The following NSMCE2 variants were observed in gnomAD, a reference collection of about 807,000 sequenced individuals.
NSMCE2 encodes NSE2 SUMO ligase component of SMC5/6 complex.
A neutral mutation model predicts 23.8 loss-of-function variants in NSMCE2; 24 were observed. The ratio of observed to expected loss-of-function variants is 1.01; its 90% CI spans 0.73 to 1.42. NSMCE2 has a LOEUF of 1.42. Ranked by LOEUF, NSMCE2 falls within the 40% of genes most tolerant of loss-of-function variation. The probability of loss-of-function intolerance (pLI) is 0.00; values close to 1 mark genes in which losing one functional copy is unlikely to be tolerated. For synonymous variants in NSMCE2, 92 were observed against 94.1 expected (o/e 0.98, Z 0.13); for missense variants, 284 against 296.5 (o/e 0.96, Z 0.31).
chr8:125,343,537 G>C (rs1280972820), intron 5 of NSMCE2, among the ~76,000 whole-genome samples: 2 of 152,168 alleles, frequency 1.3e-5, no homozygotes, highest in African/African-American at 4.8e-5. Context: ...TACTCGGGGA[G>C]CTGAGGTAGG....
intron 4 of NSMCE2, among the ~76,000 whole-genome samples, chr8:125,175,672 C>T (rs952538395): frequency 1.3e-5 from 2 of 152,088 alleles, no homozygotes; most frequent in African/African-American, 4.8e-5. Context: ...ATCCTTAGCT[C>T]CTGTGATCTC....
At chr8:125,135,701 G>A (rs990058587) in intron 3 of NSMCE2, among the ~76,000 whole-genome samples, 1 of 151,676 alleles carries the variant, frequency 6.6e-6, no homozygotes, top group African/African-American at 2.4e-5. Context: ...TTGCACTTTT[G>A]TCTGTTTAGT....
intron 5 of NSMCE2, among the ~76,000 whole-genome samples, chr8:125,239,477 T>C (rs1297006797): frequency 6.6e-6 from 1 of 151,704 alleles, no homozygotes; most frequent in Non-Finnish European, 1.5e-5. Flanking sequence ...GGCATGGTGG[T>C]GCACGCCTGT....
intron 5 of NSMCE2, among the ~76,000 whole-genome samples, chr8:125,210,117 G>A (rs1267715609): frequency 6.6e-6 from 1 of 152,154 alleles, no homozygotes. Context: ...CCCGGGATAA[G>A]TTTCTAAACC....
intron 6 of NSMCE2, 35 bp downstream of exon 6, chr8:125,357,354 C>G (rs1010457540): frequency 7.5e-7 from 1 of 1,327,898 alleles, no homozygotes; most frequent in Non-Finnish European, 1.1e-6. Flanking sequence ...GAAAGAAACA[C>G]GATTCACTTC....
At chr8:125,313,309 G>A (rs1011486246) in intron 5 of NSMCE2, among the ~76,000 whole-genome samples, 5 of 152,178 alleles carry the variant, frequency 3.3e-5, no homozygotes, top group African/African-American at 1.2e-4. Flanking sequence ...CACAGGGGGA[G>A]AGTGGTGAGA....
chr8:125,279,389 T>A (rs905375623), intron 5 of NSMCE2, among the ~76,000 whole-genome samples: 4 of 152,204 alleles, frequency 2.6e-5, no homozygotes, highest in Admixed American at 6.5e-5. Context: ...TATTTAAGAA[T>A]GATAATGATA....
chr8:125,337,379 C>T (rs1004487336), intron 5 of NSMCE2, among the ~76,000 whole-genome samples: 2 of 152,180 alleles, frequency 1.3e-5, no homozygotes, highest in Non-Finnish European at 2.9e-5. Flanking sequence ...TTCCTGAATA[C>T]AATTTTCAGA....
At chr8:125,320,822 A>T (rs1041400746) in intron 5 of NSMCE2, among the ~76,000 whole-genome samples, 1 of 152,194 alleles carries the variant, frequency 6.6e-6, no homozygotes, top group Non-Finnish European at 1.5e-5. Flanking sequence ...CTGAGACTGG[A>T]TAATTTCTAA....
intron 3 of NSMCE2, among the ~76,000 whole-genome samples, chr8:125,133,947 G>T (rs1210399190): frequency 6.6e-6 from 1 of 152,024 alleles, no homozygotes; most frequent in African/African-American, 2.4e-5. Context: ...AGATTGCTGG[G>T]CTCCAACCCC....
chr8:125,266,992 CTTTTTTCTTTCTTTTTTTTTTT>C, intron 5 of NSMCE2, among the ~76,000 whole-genome samples: 1 of 136,258 alleles, frequency 7.3e-6, no homozygotes, highest in Non-Finnish European at 1.6e-5. Context: ...CATAACTTTT[CTTTTTTCTTTCTTTTTTTTTTT>C]TTTTTTTTGA....
At position 125,240,722 on chromosome 8, in the gene NSMCE2, T is replaced by G. The variant is rs549975680; in HGVS notation, c.418+58466T>G. On this transcript the variant is annotated intron_variant, in intron 5 of 7. Transcript: ENST00000287437. The stretch of plus-strand genomic sequence containing the variant: ...TCTTGTGTGTAATGGTTATTTTTTT[T>G]TTGTTAGTTTGTAATGCACTTAGCA... Among the ~76,000 whole-genome samples, 11 of 152,256 alleles carry G rather than the reference T, an allele frequency of 7.2e-5. No individual in the cohort carries two copies. In the South Asian group the frequency reaches 8.3e-4, roughly 11 times the overall value.
intron 5 of NSMCE2, among the ~76,000 whole-genome samples, chr8:125,353,808 G>A (rs1039339355): frequency 1.3e-5 from 2 of 151,558 alleles, no homozygotes; most frequent in Non-Finnish European, 2.9e-5. Flanking sequence ...GCTTGAACCC[G>A]GGAGGCAGAG....
At chr8:125,175,082 T>C (rs1276507851) in intron 4 of NSMCE2, among the ~76,000 whole-genome samples, 1 of 152,228 alleles carries the variant, frequency 6.6e-6, no homozygotes, top group Non-Finnish European at 1.5e-5. Context: ...GAAAGCATGA[T>C]GATTCTCAGC....
At chr8:125,297,703 C>T (rs1175839988) in intron 5 of NSMCE2, among the ~76,000 whole-genome samples, 2 of 151,632 alleles carry the variant, frequency 1.3e-5, no homozygotes, top group South Asian at 2.1e-4. Context: ...GGCATAATAG[C>T]GTGCGCCTGT....
At chr8:125,307,847 T>C (rs1009861089) in intron 5 of NSMCE2, among the ~76,000 whole-genome samples, 5 of 152,234 alleles carry the variant, frequency 3.3e-5, no homozygotes, top group African/African-American at 9.6e-5. Flanking sequence ...ACACCAGCAC[T>C]GTGAGCTGGA....
chr8:125,122,368 T>C (rs1314183281), intron 3 of NSMCE2, among the ~76,000 whole-genome samples: 1 of 152,106 alleles, frequency 6.6e-6, no homozygotes, highest in Non-Finnish European at 1.5e-5. Flanking sequence ...GGCATTTGCT[T>C]CCCGAAAAAT....
At chr8:125,141,115 C>CT (rs1419511915) in intron 3 of NSMCE2, among the ~76,000 whole-genome samples, 1 of 152,128 alleles carries the variant, frequency 6.6e-6, no homozygotes, top group East Asian at 1.9e-4. Flanking sequence ...AATTCATATA[C>CT]TTTATTTCAA....
chr8:125,205,881 C>A (rs537939913), intron 5 of NSMCE2, among the ~76,000 whole-genome samples: 2 of 152,048 alleles, frequency 1.3e-5, no homozygotes, highest in East Asian at 3.8e-4. Flanking sequence ...TAATTATAAT[C>A]AATTGAATTT....
Sources: allele counts gnomAD v4.1 joint callset (sites outside exome capture counted in the v4.1 genomes callset), GRCh38; gene constraint gnomAD v4.1.1; transcripts MANE v1.5; gene names NCBI Gene and HGNC (gene_info 2026-07-23, HGNC 2026-07-21).